PAM: variants seen among roughly 807,000 people sequenced by gnomAD.
PAM encodes peptidyl-glycine alpha-amidating monooxygenase.
In PAM, 72 loss-of-function variants were observed where a neutral mutation model predicts 122.1. The ratio of observed to expected loss-of-function variants is 0.59; its 90% CI spans 0.49 to 0.72. PAM has a LOEUF of 0.72. Among genes scored for constraint, PAM ranks in the 30% least tolerant of loss-of-function variants. The pLI is 0.00. For missense variants in PAM, 1,106 were observed against 1,183.7 expected (o/e 0.93, Z 0.96); for synonymous variants, 389 against 404.4 (o/e 0.96, Z 0.46).
At chr5:102,907,099 A>T (rs574457306) in intron 4 of PAM, among the ~76,000 whole-genome samples, 91 of 151,822 alleles carry the variant, frequency 6.0e-4, no homozygotes, top group African/African-American at 2.0e-3. Context: ...AGGTTTGCTC[A>T]GGTGTCTTAT....
At position 102,851,384 on chromosome 5, in the gene PAM, T is replaced by C. The variant is rs981681573; in HGVS notation, c.-373-14439T>C. On this transcript the variant is annotated intron_variant, in intron 1 of 25. Transcript: ENST00000438793. The stretch of plus-strand genomic sequence containing the variant: ...GAATATTCCCTCTAGTGTGTTTTGT[T>C]TTTACATAACAAAGGCAGCCTTAAT... 3.9e-5 allele frequency among the ~76,000 whole-genome samples: 6 copies of C among 152,318 alleles called. No homozygotes were observed. In the East Asian group the frequency reaches 1.2e-3, roughly 29 times the overall value.
At chr5:102,842,704 C>G (rs558545087) in intron 1 of PAM, among the ~76,000 whole-genome samples, 78 of 152,276 alleles carry the variant, frequency 5.1e-4, no homozygotes, top group African/African-American at 1.8e-3. Flanking sequence ...ACAGTTTACT[C>G]AAGTACTGCT....
At chr5:102,831,483 T>A (rs1339873245) in intron 1 of PAM, among the ~76,000 whole-genome samples, 1 of 152,118 alleles carries the variant, frequency 6.6e-6, no homozygotes, top group Non-Finnish European at 1.5e-5. Flanking sequence ...AAGGACACAT[T>A]TTAACATAGA....
At chr5:102,957,086 G>C (rs1760990822) in intron 12 of PAM, among the ~76,000 whole-genome samples, 1 of 152,036 alleles carries the variant, frequency 6.6e-6, no homozygotes, top group Non-Finnish European at 1.5e-5. Context: ...GATATAGATA[G>C]AATATACATA....
At chr5:102,916,208 T>C (rs1803045545) in intron 5 of PAM, among the ~76,000 whole-genome samples, 1 of 152,086 alleles carries the variant, frequency 6.6e-6, no homozygotes, top group African/African-American at 2.4e-5. Flanking sequence ...TAAAATTCCA[T>C]AATTCTATGA....
intron 1 of PAM, among the ~76,000 whole-genome samples, chr5:102,841,095 T>G (rs1261819848): frequency 2.6e-5 from 4 of 152,100 alleles, no homozygotes; most frequent in Non-Finnish European, 1.5e-5. Flanking sequence ...TTAAGAAAAT[T>G]TTGTCATTAA....
intron 3 of PAM, among the ~76,000 whole-genome samples, chr5:102,895,007 G>A (rs1795813921): frequency 6.6e-6 from 1 of 151,046 alleles, no homozygotes; most frequent in Non-Finnish European, 1.5e-5. Flanking sequence ...AAAAAAAAAT[G>A]TCTGTGGCTT....
At chr5:102,850,824 A>G (rs1376339296) in intron 1 of PAM, among the ~76,000 whole-genome samples, 2 of 152,192 alleles carry the variant, frequency 1.3e-5, no homozygotes, top group African/African-American at 4.8e-5. Flanking sequence ...AAAACCAGAT[A>G]TCTGGGAAAT....
At chr5:102,763,877 C>T (rs1159283935) in intron 1 of PAM, among the ~76,000 whole-genome samples, 1 of 152,056 alleles carries the variant, frequency 6.6e-6, no homozygotes, top group African/African-American at 2.4e-5. Context: ...TGTTTTAGGT[C>T]GGAGCTGGGG....
At position 102,976,733 on chromosome 5, in the gene PAM, G is replaced by A. The variant is rs540190339; in HGVS notation, c.1483+2297G>A. 3.3e-5 allele frequency among the ~76,000 whole-genome samples: 5 copies of A among 152,278 alleles called. No homozygotes were observed. The East Asian group carries it at 7.7e-4, about 23-fold the overall frequency. ...AATATTATAGCTCATACTTATTTCA[G>A]ATATCTTTGACATCTCTTGTTAATT... On this transcript the variant is annotated intron_variant, in intron 15 of 25. Transcript: ENST00000438793.
chr5:103,015,976 G>T (rs1781865214), intron 21 of PAM, among the ~76,000 whole-genome samples: 1 of 151,958 alleles, frequency 6.6e-6, no homozygotes, highest in African/African-American at 2.4e-5. Context: ...GTTTTACAAA[G>T]AAATTTCTAA....
chr5:102,922,333 C>G (rs988333772), intron 5 of PAM, among the ~76,000 whole-genome samples: 2 of 151,980 alleles, frequency 1.3e-5, no homozygotes, highest in Non-Finnish European at 2.9e-5. Context: ...AAGGCTTGAA[C>G]TGAATCTTGA....
intron 1 of PAM, among the ~76,000 whole-genome samples, chr5:102,770,820 C>T (rs1178919126): frequency 1.3e-5 from 2 of 151,694 alleles, no homozygotes; most frequent in Admixed American, 6.6e-5. Context: ...TTTAATGTAT[C>T]TTTGTCTGTT....
rs568435346 is a variant in PAM, at chr5:102,828,361, G to C, written c.-373-37462G>C. On this transcript the variant is annotated intron_variant, in intron 1 of 25. Coordinates refer to ENST00000438793, the MANE Select transcript of PAM (RefSeq NM_001177306.2). ...AGACTCTGTCTCAAAAAAAAAAAAA[G>C]TTATATTCATATCCTATTCTTCTTG... Among the ~76,000 whole-genome samples the C allele has an allele frequency of 1.0e-4, 15 of 149,096 alleles. No individual in the cohort carries two copies. In the South Asian group the frequency reaches 2.8e-3, roughly 28 times the overall value.
intron 1 of PAM, among the ~76,000 whole-genome samples, chr5:102,780,755 CTTTCTTTCTTTCTTTCTTTCTT>C (rs1481285535): frequency 1.2e-4 from 2 of 16,274 alleles, no homozygotes; most frequent in African/African-American, 4.7e-4. Flanking sequence ...CTTTCTTTCT[CTTTCTTTCTTTCTTTCTTTCTT>C]TCTTTCTTTC....
chr5:102,955,704 T>A, intron 12 of PAM, among the ~76,000 whole-genome samples: 1 of 152,052 alleles, frequency 6.6e-6, no homozygotes. Context: ...ACACTGGCAT[T>A]GGAGAATGTT....
chr5:102,827,731 C>T (rs1774115959), intron 1 of PAM, among the ~76,000 whole-genome samples: 1 of 11,956 alleles, frequency 8.4e-5, no homozygotes, highest in South Asian at 6.3e-3. Flanking sequence ...CCAGGCCGGA[C>T]TGCGGACTGC....
chr5:103,027,795 G>A (rs1414112436), intron 24 of PAM, among the ~76,000 whole-genome samples: 1 of 152,048 alleles, frequency 6.6e-6, no homozygotes, highest in Admixed American at 6.6e-5. Flanking sequence ...AACATTTCCT[G>A]ATTAAAAAAA....
At chr5:102,987,679 C>T (rs1772364495) in intron 15 of PAM, 1 of 349,142 alleles carries the variant, frequency 2.9e-6, no homozygotes, top group Admixed American at 4.1e-5. Context: ...TGTTTCTAAA[C>T]CTTCAGTGGC....
Sources: allele counts gnomAD v4.1 joint callset (sites outside exome capture counted in the v4.1 genomes callset), GRCh38; gene constraint gnomAD v4.1.1; transcripts MANE v1.5; gene names NCBI Gene and HGNC (gene_info 2026-07-23, HGNC 2026-07-21).